Variants in ZNF469 observed in about 807,000 individuals in gnomAD.
ZNF469 encodes the protein zinc finger protein 469.
ZNF469 carries 1 observed loss-of-function variant against 1.0 expected under a neutral mutation model. The observed-to-expected ratio is 1.00, with a 90% CI of 0.35 to 4.73. The LOEUF is 4.73. Ranked by LOEUF, ZNF469 falls within the 30% of genes most tolerant of loss-of-function variation. The probability of loss-of-function intolerance (pLI) is 0.16; values close to 1 mark genes in which losing one functional copy is unlikely to be tolerated. For synonymous variants in ZNF469, 2,703 were observed against 2,363.4 expected (o/e 1.14, Z -4.17); for missense variants, 6,100 against 5,356.3 (o/e 1.14, Z -4.33).
the ZNF469 span, among the ~76,000 whole-genome samples, chr16:88,158,597 A>G: frequency 2.0e-5 from 3 of 152,320 alleles, no homozygotes; most frequent in East Asian, 5.8e-4. Context: ...GGGCTGGACA[A>G]CCTGGCTGAA....
the ZNF469 span, among the ~76,000 whole-genome samples, chr16:88,292,798 CA>C: frequency 2.8e-3 from 308 of 111,074 alleles, 1 homozygote; most frequent in African/African-American, 0.01. Flanking sequence ...CCTGTGTTAT[CA>C]AAAAAAAAAA....
the ZNF469 span, among the ~76,000 whole-genome samples, chr16:88,333,539 G>C: frequency 6.6e-6 from 1 of 150,664 alleles, no homozygotes; most frequent in African/African-American, 2.5e-5. Context: ...CATGGGTGGA[G>C]AAGGCTCGGA....
the ZNF469 span, among the ~76,000 whole-genome samples, chr16:88,189,396 G>C: frequency 1.5e-4 from 23 of 152,186 alleles, no homozygotes; most frequent in African/African-American, 5.5e-4. The surrounding 1 kb of genome is among the most constrained non-coding windows in gnomAD (Gnocchi z 4.3). Context: ...CTTCCCAGCT[G>C]GGGTCTCTCA....
the ZNF469 span, among the ~76,000 whole-genome samples, chr16:88,354,835 C>T: frequency 6.6e-6 from 1 of 152,208 alleles, no homozygotes; most frequent in Admixed American, 6.5e-5. Flanking sequence ...AGGGGCCTCT[C>T]AGCCCTGAGG....
Position 88,434,994 on chromosome 16 carries a change from G to T in ZNF469, c.7524G>T (p.Ala2508=), listed in dbSNP as rs559000174. The T allele has an allele frequency of 1.3e-6, 2 of 1,550,250 alleles. No homozygotes were observed. The highest frequency in any genetic ancestry group is 8.7e-7 in the Non-Finnish European group (1 of 1,146,976). ...GAGCCCCCGCGGAGCCGAGCCCAGCGGCCTTGCCTGCTCAGCAGCCTCTAG... is the reference window on the plus strand; with the variant it reads ...GAGCCCCCGCGGAGCCGAGCCCAGCTGCCTTGCCTGCTCAGCAGCCTCTAG... ...HPGAPAEPSP[A]ALPAQQPLEP... is the part of the protein sequence containing the mutation. The change falls in exon 3 of 3, where the codon GCG becomes GCT. Residue 2508 remains alanine (A), a synonymous_variant. Coordinates refer to ENST00000565624, the MANE Select transcript of ZNF469 (RefSeq NM_001367624.2).
the ZNF469 span, among the ~76,000 whole-genome samples, chr16:88,351,338 T>G: frequency 1.1e-4 from 17 of 152,200 alleles, no homozygotes; most frequent in African/African-American, 3.9e-4. Flanking sequence ...TCTGAGACCT[T>G]CTTCTGCCCC....
the ZNF469 span, among the ~76,000 whole-genome samples, chr16:88,120,408 C>A: frequency 6.6e-6 from 1 of 152,266 alleles, no homozygotes; most frequent in Non-Finnish European, 1.5e-5. Flanking sequence ...TGTCATCGGG[C>A]CGGCGGGACG....
chr16:88,155,110 G>T, the ZNF469 span, among the ~76,000 whole-genome samples: 13,520 of 152,284 alleles, frequency 0.089, 903 homozygotes, highest in Non-Finnish European at 0.13. Context: ...ATTCCATGGG[G>T]TACAGGGCTA....
the ZNF469 span, among the ~76,000 whole-genome samples, chr16:88,267,486 G>T: frequency 1.1e-4 from 17 of 152,344 alleles, no homozygotes; most frequent in Middle Eastern, 3.4e-3. Flanking sequence ...CATGCCCAGG[G>T]CTGGTCCACC....
the ZNF469 span, among the ~76,000 whole-genome samples, chr16:88,215,038 C>A: frequency 6.6e-6 from 1 of 152,186 alleles, no homozygotes; most frequent in African/African-American, 2.4e-5. Context: ...CTTTTGGTTA[C>A]TGTTTGAATA....
the ZNF469 span, among the ~76,000 whole-genome samples, chr16:88,318,634 C>T: frequency 6.6e-6 from 1 of 152,254 alleles, no homozygotes; most frequent in East Asian, 1.9e-4. Flanking sequence ...CTGGCGTGTC[C>T]CACACCTGGG....
chr16:88,435,297 A>G lies in ZNF469; in HGVS notation c.7827A>G (p.Lys2609=), dbSNP rs1906490109. ...EDELHPKQAE[K]REGRRWRREP... ...AGCTGCATCCCAAACAGGCAGAAAAAAGAGAAGGCCGGAGGTGGCGCCGAG... is the reference window on the plus strand; with the variant it reads ...AGCTGCATCCCAAACAGGCAGAAAAGAGAGAAGGCCGGAGGTGGCGCCGAG... The change falls in exon 3 of 3, where the codon AAA becomes AAG. Residue 2609 remains lysine, a synonymous_variant. Transcript: ENST00000565624. 1.9e-6 allele frequency: 3 copies of G among 1,550,236 alleles called. No homozygotes were observed. Among genetic ancestry groups the G allele is most frequent in the Non-Finnish European group, 2.6e-6 (3 of 1,146,986 alleles).
the ZNF469 span, among the ~76,000 whole-genome samples, chr16:88,122,841 G>GTGTATAAATA: frequency 1.3e-5 from 2 of 152,024 alleles, no homozygotes; most frequent in Non-Finnish European, 2.9e-5. Context: ...ATGTGTGTGT[G>GTGTATAAATA]TGTATAAATA....
At chr16:88,199,834 G>GA in the ZNF469 span, among the ~76,000 whole-genome samples, 1 of 152,232 alleles carries the variant, frequency 6.6e-6, no homozygotes, top group East Asian at 1.9e-4. Flanking sequence ...GGCTCAGGCA[G>GA]AGGCGCTGGT....
chr16:88,392,412 TTC>T (rs1904517743), intron 1 of ZNF469, among the ~76,000 whole-genome samples: 1 of 152,214 alleles, frequency 6.6e-6, no homozygotes. Flanking sequence ...CCTGACAGCC[TTC>T]TCTGTTTTCT....
chr16:88,271,489 C>G, the ZNF469 span, among the ~76,000 whole-genome samples: 1 of 139,786 alleles, frequency 7.2e-6, no homozygotes, highest in African/African-American at 2.5e-5. Context: ...CTGCAAAGGT[C>G]TCGAAGGCCT....
chr16:88,199,728 GC>G, the ZNF469 span, among the ~76,000 whole-genome samples: 1 of 152,210 alleles, frequency 6.6e-6, no homozygotes, highest in African/African-American at 2.4e-5. Context: ...GACAGTGCTG[GC>G]CATAGGGCTG....
At chr16:88,168,086 C>A in the ZNF469 span, among the ~76,000 whole-genome samples, 1 of 152,244 alleles carries the variant, frequency 6.6e-6, no homozygotes, top group Non-Finnish European at 1.5e-5. The surrounding 1 kb of genome is among the most constrained non-coding windows in gnomAD (Gnocchi z 4.3). Context: ...ATTTACACTT[C>A]GTTCATCAAA....
chr16:88,267,983 C>A, the ZNF469 span, among the ~76,000 whole-genome samples: 132 of 149,668 alleles, frequency 8.8e-4, no homozygotes, highest in African/African-American at 2.8e-3. Flanking sequence ...TCTCCACATT[C>A]TTACCGGCTC....
Sources: allele counts gnomAD v4.1 joint callset (sites outside exome capture counted in the v4.1 genomes callset), GRCh38; gene constraint gnomAD v4.1.1; non-coding constraint Gnocchi (gnomAD v3.1); transcripts MANE v1.5; gene names NCBI Gene and HGNC (gene_info 2026-07-23, HGNC 2026-07-21).